The following RTEL1 variants were observed in gnomAD, a reference collection of about 807,000 sequenced individuals.
The protein encoded by RTEL1 is regulator of telomere elongation helicase 1, also known as regulator of telomere length.
RTEL1 carries 86 observed loss-of-function variants against 162.2 expected under a neutral mutation model. That is an observed-to-expected ratio of 0.53 (90% CI 0.45 to 0.63). The LOEUF is 0.63. RTEL1 is among the 30% of genes least tolerant of loss of function. RTEL1 has a pLI of 0.00. For missense variants in RTEL1, 1,941 were observed against 1,750.2 expected, an observed-to-expected ratio of 1.11 and a Z score of -1.95; for synonymous variants, 958 against 717.9, an observed-to-expected ratio of 1.33 and a Z score of -5.35.
rs912232803 is a variant in RTEL1 at position 63,663,671 on chromosome 20, G to A, written c.538+782G>A. Among the ~76,000 whole-genome samples the A allele has an allele frequency of 5.3e-5, 8 of 152,218 alleles. 1 individual carries two copies. Among genetic ancestry groups the A allele is most frequent in the African/African-American group, 1.7e-4 (7 of 41,460 alleles). ...TGAGGGTGGCATCTGTGCAGTCGGC[G>A]CGGTCTGTGCTTCTGTGGGATCAGG... On this transcript the variant is annotated intron_variant, in intron 6 of 34. Coordinates refer to ENST00000360203, the MANE Select transcript of RTEL1 (RefSeq NM_001283009.2).
intron 10 of RTEL1, 57 bp from the exon 11 acceptor site, chr20:63,678,088 C>T (rs183246776): frequency 8.2e-5 from 131 of 1,600,942 alleles, no homozygotes; most frequent in Admixed American, 1.8e-4. Context: ...TTCTCAAGGG[C>T]GGGGTTGTTG....
intron 28 of RTEL1, 75 bp from the exon 29 acceptor site, chr20:63,692,730 C>G (rs753937360): frequency 7.0e-7 from 1 of 1,435,236 alleles, no homozygotes; most frequent in South Asian, 1.2e-5. Context: ...CTCAATGTTC[C>G]AAGGAAGGCT....
intron 14 of RTEL1, chr20:63,681,428 C>T: frequency 1.0e-6 from 1 of 985,282 alleles, no homozygotes; most frequent in Non-Finnish European, 1.2e-6. Flanking sequence ...CTGTGTGGAG[C>T]CCTGTGAGGC....
rs372678263 is a variant in RTEL1, at chr20:63,680,086, C to G, written c.1135+140C>G. On this transcript the variant is annotated intron_variant, in intron 13 of 34. Coordinates refer to ENST00000360203, the MANE Select transcript of RTEL1 (RefSeq NM_001283009.2). ...GGCCCACAGAACCTCATCTTCTGAT[C>G]GGGGCGTGGAGGCGTTAGTGCCACT... 1.3e-3 allele frequency: 824 copies of G among 635,590 alleles called. 7 individuals carry two copies. Among genetic ancestry groups the G allele is most frequent in the Middle Eastern group, 2.6e-3 (7 of 2,644 alleles). The allele number at this position is 635,590 out of a possible 1,614,324, so 39.4% of individuals were successfully genotyped here.
chr20:63,677,224 A>C (rs1447366697), intron 10 of RTEL1, among the ~76,000 whole-genome samples: 2 of 152,226 alleles, frequency 1.3e-5, no homozygotes, highest in East Asian at 1.9e-4. Flanking sequence ...GCCATGCGGC[A>C]GCGGGTTGGT....
chr20:63,693,408 G>A lies in RTEL1; in HGVS notation c.2992+125G>A, dbSNP rs531466856. On this transcript the variant is annotated intron_variant, in intron 30 of 34. Coordinates refer to ENST00000360203, the MANE Select transcript of RTEL1 (RefSeq NM_001283009.2). ...GGCCCCGCCTCTCTGTTCCCCTATG[G>A]GAGTGATGGGGGCCTCCACCTCCAC... 19 of 1,134,816 alleles carry A rather than the reference G, an allele frequency of 1.7e-5. No individual in the cohort carries two copies. In the East Asian group the frequency reaches 4.2e-4, roughly 25 times the overall value. 70.3% of individuals were successfully genotyped at this position (1,134,816 alleles called of 1,614,324 possible). A position where few individuals can be genotyped will look rare whatever the true frequency, so the allele number is the denominator to read the frequency against.
intron 14 of RTEL1, chr20:63,682,285 A>G (rs2090492420): frequency 1.0e-6 from 1 of 985,074 alleles, no homozygotes; most frequent in Admixed American, 6.2e-5. Flanking sequence ...GCGGCCTCCC[A>G]GGCCCCCAGC....
intron 28 of RTEL1, chr20:63,692,524 A>G: frequency 1.9e-6 from 1 of 519,458 alleles, no homozygotes; most frequent in South Asian, 2.2e-5. Flanking sequence ...CGGGCCATGC[A>G]GGACCCCTGG....
intron 12 of RTEL1, among the ~76,000 whole-genome samples, chr20:63,678,673 C>T (rs1333885452): frequency 8.2e-6 from 1 of 122,388 alleles, no homozygotes; most frequent in East Asian, 2.3e-4. Flanking sequence ...ACCCACGGAA[C>T]GGCACACACA....
In RTEL1 at chr20:63,662,006, G is replaced by A. The variant is rs1400793302; in HGVS notation, c.395+63G>A. Reference sequence around the variant, plus strand: ...AAGAGAACCAGCTTGGCATGGTGCTGAGTCCACAGCCCCATGCTGTGCTGT... The same window carrying A: ...AAGAGAACCAGCTTGGCATGGTGCTAAGTCCACAGCCCCATGCTGTGCTGT... On this transcript the variant is annotated intron_variant, in intron 4 of 34. Transcript: ENST00000360203. 9 of 1,237,810 alleles carry A rather than the reference G, an allele frequency of 7.3e-6. No homozygotes were observed. The African/African-American group carries it at 1.2e-4, about 16-fold the overall frequency. The allele number at this position is 1,237,810 out of a possible 1,614,324, so 76.7% of individuals were successfully genotyped here.
intron 14 of RTEL1, among the ~76,000 whole-genome samples, chr20:63,682,818 G>C (rs771158024): frequency 6.6e-6 from 1 of 152,242 alleles, no homozygotes; most frequent in Non-Finnish European, 1.5e-5. Context: ...CGTGTGCTCG[G>C]AAGTCAGGGC....
chr20:63,687,586 C>T (rs2090625597), intron 16 of RTEL1, 52 bp from the exon 17 acceptor site: 7 of 1,525,776 alleles, frequency 4.6e-6, no homozygotes, highest in African/African-American at 1.4e-5. Flanking sequence ...GGTGGTCAGG[C>T]CCCCAGTCCC....
At chr20:63,658,892 G>GC (rs1362228428) in intron 1 of RTEL1, 1 of 160,356 alleles carries the variant, frequency 6.2e-6, no homozygotes, top group East Asian at 1.7e-4. Context: ...GAGAGGCAGG[G>GC]CCGGAGGTTC....
rs2090959228 is a variant in RTEL1 at position 63,695,589 on chromosome 20, C to T, written c.3761C>T (p.Pro1254Leu). The change falls in exon 34 of 35, where the codon CCC becomes CTC. Residue 1254 changes from proline to leucine, a missense_variant. Coordinates refer to ENST00000360203, the MANE Select transcript of RTEL1 (RefSeq NM_001283009.2). Reference sequence around the variant, plus strand: ...GGCTGTGGGGCAGAGGACGTGGTGCCCTTCCAGTGCCCTGCCTGTGACTTC... The same window carrying T: ...GGCTGTGGGGCAGAGGACGTGGTGCTCTTCCAGTGCCCTGCCTGTGACTTC... ...CQGCGAEDVV[P>L]FQCPACDFQR... 3 of 1,611,972 alleles carry T rather than the reference C, an allele frequency of 1.9e-6. No homozygotes were observed. The highest frequency in any genetic ancestry group is 1.3e-5 in the African/African-American group (1 of 74,936).
At position 63,695,445 on chromosome 20, in the gene RTEL1, C is replaced by A; in HGVS notation, c.3617C>A (p.Ser1206Ter). 1 of 1,582,438 alleles carries A rather than the reference C, an allele frequency of 6.3e-7. No homozygotes were observed. Among genetic ancestry groups the A allele is most frequent in the South Asian group, 1.2e-5 (1 of 85,468 alleles). Residue 1206 changes from serine (S) to a stop codon, truncating the protein, a stop_gained, in exon 34 of 35, where the codon TCA becomes TAA. Coordinates refer to ENST00000360203, the MANE Select transcript of RTEL1 (RefSeq NM_001283009.2). LOFTEE classifies it high-confidence loss of function. ...GAGGATGCAGGTCCCAGCCAGTCCT[C>A]AGGACCTCCCCACGGGCCTGCAGCA... ...GGEDAGPSQS[S>*]GPPHGPAASE...
At chr20:63,680,572 C>T (rs1348921762) in intron 13 of RTEL1, 92 bp from the exon 14 acceptor site, 22 of 1,367,644 alleles carry the variant, frequency 1.6e-5, no homozygotes, top group African/African-American at 5.7e-5. Context: ...GCTTGGCAGT[C>T]GGGCTGAGCG....
rs879626044 is a variant in RTEL1 at position 63,691,072 on chromosome 20, G to T, written c.2556+125G>T. The T allele has an allele frequency of 4.7e-6, 5 of 1,072,420 alleles. No individual in the cohort carries two copies. In the African/African-American group the frequency reaches 6.5e-5, roughly 14 times the overall value. 66.4% of individuals were successfully genotyped at this position (1,072,420 alleles called of 1,614,324 possible). On this transcript the variant is annotated intron_variant, in intron 27 of 34. Coordinates refer to ENST00000360203, the MANE Select transcript of RTEL1 (RefSeq NM_001283009.2). ...TAAATCCCCTGCCTGGCAGGCAGGC[G>T]GGCAAGCGGGCGGGGGATCCCAGCT... is the stretch of plus-strand genomic sequence containing the variant.
At position 63,695,103 on chromosome 20, in the gene RTEL1, C is replaced by T. The variant is rs368588082; in HGVS notation, c.3381C>T (p.Arg1127=). Residue 1127 remains arginine, a synonymous_variant, in exon 33 of 35, where the codon CGC becomes CGT. Coordinates refer to ENST00000360203, the MANE Select transcript of RTEL1 (RefSeq NM_001283009.2). ...SMFVRPHHKQ[R]FSQTCTDLTG... is the part of the protein sequence containing the mutation. ...TTGTGCGTCCACACCACAAGCAGCG[C>T]TTCTCACAGACGTGCACAGACCTGA... is the stretch of plus-strand genomic sequence containing the variant. 14 of 1,612,428 alleles carry T rather than the reference C, an allele frequency of 8.7e-6. No individual in the cohort carries two copies. The highest frequency in any genetic ancestry group is 1.2e-5 in the Non-Finnish European group (14 of 1,179,870).
At chr20:63,694,304 G>GCCCCCCCCCCCCCC in intron 30 of RTEL1, 68 bp from the exon 31 acceptor site, 1 of 813,004 alleles carries the variant, frequency 1.2e-6, no homozygotes, top group Non-Finnish European at 2.1e-6. Context: ...AGCCAGCCCT[G>GCCCCCCCCCCCCCC]CCCCCCCACC....
Sources: allele counts gnomAD v4.1 joint callset (sites outside exome capture counted in the v4.1 genomes callset), GRCh38; gene constraint gnomAD v4.1.1; transcripts MANE v1.5; gene names NCBI Gene and HGNC (gene_info 2026-07-23, HGNC 2026-07-21).